Variants in BAAT observed in about 807,000 individuals in gnomAD.
The protein encoded by BAAT is bile acid CoA: amino acid N-acyltransferase (glycine N-choloyltransferase).
In BAAT, 13 loss-of-function variants were observed where a neutral mutation model predicts 18.9. The ratio of observed to expected loss-of-function variants is 0.69; its 90% CI spans 0.45 to 1.10. The LOEUF (loss-of-function observed/expected upper bound fraction) is 1.10, where lower values mean the gene tolerates loss of function less well. Among genes scored for constraint, BAAT ranks in the 50% least tolerant of loss-of-function variants. The probability of loss-of-function intolerance (pLI) is 0.00; values close to 1 mark genes in which losing one functional copy is unlikely to be tolerated. For synonymous variants in BAAT, 170 were observed against 190.7 expected (o/e 0.89, Z 0.89); for missense variants, 489 against 504.0 (o/e 0.97, Z 0.28).
intron 3 of BAAT, among the ~76,000 whole-genome samples, chr9:101,363,641 GA>G (rs1829774084): frequency 6.9e-6 from 1 of 145,464 alleles, no homozygotes; most frequent in Admixed American, 6.8e-5. Context: ...GAAGACACAG[GA>G]GGAAAAAAAA....
chr9:101,363,639 A>G (rs1829773998), intron 3 of BAAT, among the ~76,000 whole-genome samples: 1 of 146,528 alleles, frequency 6.8e-6, no homozygotes, highest in African/African-American at 2.6e-5. Flanking sequence ...ATGAAGACAC[A>G]GGAGGAAAAA....
At chr9:101,366,770 T>C (rs1471145704) in intron 3 of BAAT, among the ~76,000 whole-genome samples, 1 of 131,788 alleles carries the variant, frequency 7.6e-6, no homozygotes, top group African/African-American at 2.5e-5. Flanking sequence ...TTGTTGCTTA[T>C]CTTATTTCTG....
chr9:101,383,941 T>C (rs1830167418), intron 1 of BAAT, among the ~76,000 whole-genome samples: 1 of 152,158 alleles, frequency 6.6e-6, no homozygotes, highest in African/African-American at 2.4e-5. Flanking sequence ...CAAGCCCCAC[T>C]TTCAGAATTT....
intron 1 of BAAT, 103 bp from the exon 2 acceptor site, chr9:101,371,566 C>T (rs1829946312): frequency 1.4e-6 from 1 of 731,388 alleles, no homozygotes; most frequent in Non-Finnish European, 2.3e-6. Context: ...CAGTTCTAAC[C>T]CTCTAGTTCT....
chr9:101,376,043 C>G (rs1830038455), intron 1 of BAAT: 1 of 156,372 alleles, frequency 6.4e-6, no homozygotes, highest in African/African-American at 2.4e-5. Context: ...ACCTTCACGT[C>G]TCTTCTGAAA....
intron 1 of BAAT, among the ~76,000 whole-genome samples, chr9:101,379,387 T>C (rs1313652760): frequency 6.6e-6 from 1 of 152,230 alleles, no homozygotes. Flanking sequence ...TATTGCAGCC[T>C]GATGGCAAAT....
intron 3 of BAAT, 55 bp downstream of exon 3, chr9:101,368,065 A>G: frequency 6.4e-7 from 1 of 1,559,402 alleles, no homozygotes; most frequent in Non-Finnish European, 8.8e-7. Context: ...ACAAAAACAA[A>G]AACAGAAACA....
chr9:101,366,593 G>A lies in BAAT; in HGVS notation c.669+1527C>T, dbSNP rs548837098. Among the ~76,000 whole-genome samples the A allele has an allele frequency of 3.3e-5, 5 of 152,150 alleles. No individual in the cohort carries two copies. In the South Asian group the frequency reaches 6.2e-4, roughly 19 times the overall value. On this transcript the variant is annotated intron_variant, in intron 3 of 3. Coordinates refer to ENST00000259407, the MANE Select transcript of BAAT (RefSeq NM_001701.4). ...GTCATGCAGCAAATATAAGGGGAAC[G>A]AGGCAAAGACCGTGAAAAAAGAGAA...
chr9:101,369,290 TAATA>T (rs144549815), intron 2 of BAAT, among the ~76,000 whole-genome samples: 4,423 of 152,218 alleles, frequency 0.029, 213 homozygotes, highest in African/African-American at 0.1. Flanking sequence ...AATGAATAAA[TAATA>T]AATAAAGTGA....
chr9:101,366,779 T>G (rs1244730740), intron 3 of BAAT, among the ~76,000 whole-genome samples: 1 of 151,984 alleles, frequency 6.6e-6, no homozygotes, highest in Non-Finnish European at 1.5e-5. Context: ...ATCTTATTTC[T>G]GCAAACCTGA....
At chr9:101,382,293 A>G (rs1457571247) in intron 1 of BAAT, among the ~76,000 whole-genome samples, 6 of 152,206 alleles carry the variant, frequency 3.9e-5, no homozygotes, top group Non-Finnish European at 5.9e-5. Context: ...ATGCACATTA[A>G]GAGTCAAAAT....
intron 1 of BAAT, among the ~76,000 whole-genome samples, chr9:101,384,325 G>A (rs1403774593): frequency 6.6e-6 from 1 of 152,076 alleles, no homozygotes; most frequent in African/African-American, 2.4e-5. Flanking sequence ...TCTTAAACAG[G>A]TACTTAACAG....
intron 3 of BAAT, among the ~76,000 whole-genome samples, chr9:101,367,587 C>T (rs147894836): frequency 6.6e-6 from 1 of 151,774 alleles, no homozygotes; most frequent in East Asian, 1.9e-4. Context: ...CAGGCTCAAG[C>T]GATCTTTCCT....
chr9:101,368,424 GATAAA>G (rs1249742975), intron 2 of BAAT, 102 bp from the exon 3 acceptor site: 7 of 1,029,642 alleles, frequency 6.8e-6, no homozygotes, highest in Non-Finnish European at 5.6e-6. Flanking sequence ...GATAATAAAA[GATAAA>G]ATAAATAAAT....
At chr9:101,369,760 T>C (rs1368889974) in intron 2 of BAAT, among the ~76,000 whole-genome samples, 1 of 152,230 alleles carries the variant, frequency 6.6e-6, no homozygotes, top group African/African-American at 2.4e-5. Flanking sequence ...ACATGGGTTA[T>C]GGTGAATTTG....
At chr9:101,378,167 TG>T (rs1208778335) in intron 1 of BAAT, among the ~76,000 whole-genome samples, 2 of 152,152 alleles carry the variant, frequency 1.3e-5, no homozygotes, top group African/African-American at 4.8e-5. Context: ...ACTGTGAAAA[TG>T]GCCATACTGC....
chr9:101,382,701 A>G (rs1264786830), intron 1 of BAAT, among the ~76,000 whole-genome samples: 1 of 152,282 alleles, frequency 6.6e-6, no homozygotes, highest in African/African-American at 2.4e-5. Flanking sequence ...GAGGCAAGAA[A>G]TGAGATTGCT....
chr9:101,377,022 G>A (rs1830059600), intron 1 of BAAT, among the ~76,000 whole-genome samples: 1 of 152,114 alleles, frequency 6.6e-6, no homozygotes, highest in African/African-American at 2.4e-5. Flanking sequence ...TGGAATTCTT[G>A]TGTGGTCAAA....
intron 3 of BAAT, among the ~76,000 whole-genome samples, chr9:101,365,061 T>A (rs1829803355): frequency 6.6e-6 from 1 of 152,214 alleles, no homozygotes; most frequent in African/African-American, 2.4e-5. Context: ...TCATGAGTTA[T>A]TTTTGAGTAT....
Sources: allele counts gnomAD v4.1 joint callset (sites outside exome capture counted in the v4.1 genomes callset), GRCh38; gene constraint gnomAD v4.1.1; transcripts MANE v1.5; gene names NCBI Gene and HGNC (gene_info 2026-07-23, HGNC 2026-07-21).